AACS: variants seen among roughly 807,000 people sequenced by gnomAD.
AACS encodes acetoacetate-CoA ligase.
In AACS, 69 loss-of-function variants were observed where a neutral mutation model predicts 83.1. The observed-to-expected ratio is 0.83, with a 90% CI of 0.68 to 1.01. The LOEUF (loss-of-function observed/expected upper bound fraction) is 1.01, where lower values mean the gene tolerates loss of function less well. Ranked by LOEUF, AACS falls within the 50% of genes least tolerant of loss-of-function variation. The pLI, the probability that AACS is intolerant of heterozygous loss-of-function variation, is 0.00. For synonymous variants in AACS, 333 were observed against 343.4 expected, an observed-to-expected ratio of 0.97 and a Z score of 0.33; for missense variants, 866 against 882.2, an observed-to-expected ratio of 0.98 and a Z score of 0.23.
rs1321690078 is a variant in AACS at position 125,142,347 on chromosome 12, G to C, written c.*118G>C. The stretch of plus-strand genomic sequence containing the variant: ...AAAGGATGCTCGCACCAAGTGTTCT[G>C]TAGGCTTGGGGAGGGATCGTTTCTC... On this transcript the variant is annotated 3_prime_UTR_variant, in exon 18 of 18. Transcript: ENST00000316519. The C allele has an allele frequency of 1.4e-6, 2 of 1,403,080 alleles. No homozygotes were observed. The highest frequency in any genetic ancestry group is 1.9e-6 in the Non-Finnish European group (2 of 1,038,310). 86.9% of individuals were successfully genotyped at this position (1,403,080 alleles called of 1,614,324 possible). A position where few individuals can be genotyped will look rare whatever the true frequency, so the allele number is the denominator to read the frequency against.
intron 16 of AACS, among the ~76,000 whole-genome samples, chr12:125,135,132 C>G (rs1280040951): frequency 6.6e-6 from 1 of 151,742 alleles, no homozygotes; most frequent in Non-Finnish European, 1.5e-5. Context: ...TTGTGTCTAT[C>G]TACTCTTTTT....
At chr12:125,081,280 C>T (rs1300648448) in intron 3 of AACS, among the ~76,000 whole-genome samples, 1 of 152,234 alleles carries the variant, frequency 6.6e-6, no homozygotes, top group East Asian at 1.9e-4. Flanking sequence ...AGGCGTGAAC[C>T]ACCACGCCTA....
chr12:125,135,137 C>CT (rs746998324), intron 16 of AACS, among the ~76,000 whole-genome samples: 257 of 144,268 alleles, frequency 1.8e-3, no homozygotes, highest in Middle Eastern at 3.6e-3. Context: ...TCTATCTACT[C>CT]TTTTTTTTTT....
intron 3 of AACS, chr12:125,078,423 C>A: frequency 1.4e-5 from 6 of 430,794 alleles, no homozygotes; most frequent in South Asian, 9.9e-5. Flanking sequence ...ATGGTCATGG[C>A]AGAGTAGATA....
In AACS at chr12:125,082,830, C is replaced by G. The variant is rs541289660; in HGVS notation, c.359-3500C>G. ...AGCGAGACTCTGTCTCAAACACACA[C>G]AGACACACACACACACACAAAGAGG... On this transcript the variant is annotated intron_variant, in intron 3 of 17. Coordinates refer to ENST00000316519, the MANE Select transcript of AACS (RefSeq NM_023928.5). Among the ~76,000 whole-genome samples, 96 of 151,598 alleles carry G rather than the reference C, an allele frequency of 6.3e-4. 1 individual carries two copies. In the South Asian group the frequency reaches 0.013, roughly 20 times the overall value.
intron 3 of AACS, among the ~76,000 whole-genome samples, chr12:125,084,804 A>G (rs1388491518): frequency 1.3e-5 from 2 of 151,878 alleles, no homozygotes; most frequent in Admixed American, 6.6e-5. Flanking sequence ...CTGGTCTCGA[A>G]CTCCTGAGCT....
rs1237017501 is a variant in AACS at position 125,134,736 on chromosome 12, CT to C, written c.1620-57del. On this transcript the variant is annotated intron_variant, in intron 15 of 17. Coordinates refer to ENST00000316519, the MANE Select transcript of AACS (RefSeq NM_023928.5). Reference sequence around the variant, plus strand: ...GGGTGACTGCCCTCCCGTGGGACCCCTGGGACTTGCTTCACTCCAGAGCTGC... The same window carrying C: ...GGGTGACTGCCCTCCCGTGGGACCCCGGGACTTGCTTCACTCCAGAGCTGC... 3.8e-6 allele frequency: 6 copies of C among 1,598,804 alleles called. No individual in the cohort carries two copies. The African/African-American group carries it at 4.0e-5, about 11-fold the overall frequency.
intron 4 of AACS, 47 bp from the exon 5 acceptor site, chr12:125,091,379 T>G: frequency 6.3e-7 from 1 of 1,591,426 alleles, no homozygotes. Flanking sequence ...ATCTGCTACC[T>G]CCCATACACC....
intron 13 of AACS, 133 bp downstream of exon 13, chr12:125,128,407 G>A (rs940651162): frequency 2.6e-5 from 19 of 734,214 alleles, no homozygotes; most frequent in African/African-American, 3.6e-5. Flanking sequence ...GTCACTTGCA[G>A]TGTGATGTCC....
Position 125,074,059 on chromosome 12 carries a change from A to T in AACS, c.237+80A>T, listed in dbSNP as rs185070248. On this transcript the variant is annotated intron_variant, in intron 2 of 17. Transcript: ENST00000316519. ...GAAATGCTAATTTTGGGGAATACTG[A>T]ATTGTATCTCCTTTTTACAACCTCA... 2.6e-6 allele frequency: 3 copies of T among 1,174,614 alleles called. No individual in the cohort carries two copies. The East Asian group carries it at 7.1e-5, about 28-fold the overall frequency. The allele number at this position is 1,174,614 out of a possible 1,614,324, so 72.8% of individuals were successfully genotyped here.
At position 125,073,972 on chromosome 12, in the gene AACS, A is replaced by G. The variant is rs1044416992; in HGVS notation, c.230A>G (p.Tyr77Cys). The change falls in exon 2 of 18, where the codon TAT becomes TGT. Residue 77 changes from tyrosine to cysteine, a missense_variant. Transcript: ENST00000316519. ...AGTGGAATTGTCTTCTCACGTGTGTATGATGAGGTAAGTAGAGATTTTCCG... is the reference window on the plus strand; with the variant it reads ...AGTGGAATTGTCTTCTCACGTGTGTGTGATGAGGTAAGTAGAGATTTTCCG... Reference protein sequence around the residue: ...KFSGIVFSRVYDEVVDTSKGI... With the variant: ...KFSGIVFSRVCDEVVDTSKGI... 1.2e-6 allele frequency: 2 copies of G among 1,612,288 alleles called. No individual in the cohort carries two copies. Among genetic ancestry groups the G allele is most frequent in the South Asian group, 2.2e-5 (2 of 90,860 alleles).
At chr12:125,091,640 G>T in intron 5 of AACS, 117 bp downstream of exon 5, 1 of 1,041,750 alleles carries the variant, frequency 9.6e-7, no homozygotes, top group Non-Finnish European at 1.5e-6. Flanking sequence ...AGCGGGAGGA[G>T]GTGGCGTTGC....
Position 125,097,320 on chromosome 12 carries a change from G to A in AACS, c.571-5359G>A, listed in dbSNP as rs1056698009. 4.6e-5 allele frequency among the ~76,000 whole-genome samples: 7 copies of A among 152,076 alleles called. No homozygotes were observed. The highest frequency in any genetic ancestry group is 7.4e-5 in the Non-Finnish European group (5 of 68,014). ...GGTACCCTTGAAATGGAGGAGGGAG[G>A]AGGTGGACGGTGACCGAAGGCCTGA... On this transcript the variant is annotated intron_variant, in intron 5 of 17. Transcript: ENST00000316519. This position sits in a 1 kb window ranked among gnomAD's most constrained non-coding sequence, Gnocchi z 4.3.
intron 7 of AACS, 30 bp from the exon 8 acceptor site, chr12:125,107,091 T>C: frequency 6.2e-7 from 1 of 1,613,820 alleles, no homozygotes; most frequent in Non-Finnish European, 8.5e-7. Context: ...GGGACGTTCA[T>C]GGCGTGTTTC....
intron 14 of AACS, among the ~76,000 whole-genome samples, chr12:125,133,702 G>T (rs532233857): frequency 3.3e-5 from 5 of 152,358 alleles, no homozygotes; most frequent in African/African-American, 9.6e-5. Context: ...AGACACTCCT[G>T]TTGACCCCCA....
At chr12:125,098,718 T>G (rs1956663615) in intron 5 of AACS, among the ~76,000 whole-genome samples, 2 of 152,228 alleles carry the variant, frequency 1.3e-5, no homozygotes, top group African/African-American at 4.8e-5. Context: ...CTCCCGGTGT[T>G]GGGTGTACAG....
At position 125,094,978 on chromosome 12, in the gene AACS, CGTGTGTGTGTGTGTGTGTGTGTGTGT is replaced by C. The variant is rs57643228; in HGVS notation, c.570+3476_570+3501del. On this transcript the variant is annotated intron_variant, in intron 5 of 17. Transcript: ENST00000316519. This position sits in a 1 kb window ranked among gnomAD's most constrained non-coding sequence, Gnocchi z 4.1. ...TCCTCCTGAAGTGCCATCAGGTGGC[CGTGTGTGTGTGTGTGTGTGTGTGTGT>C]GTGTGTGTGTGTGTGTGTGTCTGTG... Among the ~76,000 whole-genome samples the C allele has an allele frequency of 2.1e-5, 3 of 145,240 alleles. No individual in the cohort carries two copies. The highest frequency in any genetic ancestry group is 4.6e-5 in the Non-Finnish European group (3 of 65,894).
At position 125,094,978 on chromosome 12, in the gene AACS, CGTGTGTGTGT is replaced by C. The variant is rs57643228; in HGVS notation, c.570+3492_570+3501del. Among the ~76,000 whole-genome samples, 6,026 of 145,140 alleles carry C rather than the reference CGTGTGTGTGT, an allele frequency of 0.042. 297 individuals carry two copies. The highest frequency in any genetic ancestry group is 0.11 in the African/African-American group (4,479 of 39,212). Reference sequence around the variant, plus strand: ...TCCTCCTGAAGTGCCATCAGGTGGCCGTGTGTGTGTGTGTGTGTGTGTGTGTGTGTGTGTG... The same window carrying C: ...TCCTCCTGAAGTGCCATCAGGTGGCCGTGTGTGTGTGTGTGTGTGTGTGTG... On this transcript the variant is annotated intron_variant, in intron 5 of 17. Coordinates refer to ENST00000316519, the MANE Select transcript of AACS (RefSeq NM_023928.5). This position sits in a 1 kb window ranked among gnomAD's most constrained non-coding sequence, Gnocchi z 4.1.
chr12:125,118,181 T>A lies in AACS; in HGVS notation c.997-460T>A, dbSNP rs138450852. On this transcript the variant is annotated intron_variant, in intron 9 of 17. Transcript: ENST00000316519. The stretch of plus-strand genomic sequence containing the variant: ...GGCGGGAGGCAGGTTCCCGACACCA[T>A]TCATCATGGATGAACAATGTCTTGG... 307 of 163,980 alleles carry A rather than the reference T, an allele frequency of 1.9e-3. 1 individual carries two copies. The highest frequency in any genetic ancestry group is 6.5e-3 in the African/African-American group (271 of 41,722). The allele number at this position is 163,980 out of a possible 1,614,324, so 10.2% of individuals were successfully genotyped here.
Sources: allele counts gnomAD v4.1 joint callset (sites outside exome capture counted in the v4.1 genomes callset), GRCh38; gene constraint gnomAD v4.1.1; non-coding constraint Gnocchi (gnomAD v3.1); transcripts MANE v1.5; gene names NCBI Gene and HGNC (gene_info 2026-07-23, HGNC 2026-07-21).